Variants in STRN4 observed in about 807,000 individuals in gnomAD.
STRN4 encodes striatin 4, also known as striatin-4.
In STRN4, 27 loss-of-function variants were observed where a neutral mutation model predicts 77.9. The ratio of observed to expected loss-of-function variants is 0.35; its 90% CI spans 0.26 to 0.48. The LOEUF is 0.48. Ranked by LOEUF, STRN4 falls within the 20% of genes least tolerant of loss-of-function variation. STRN4 has a pLI of 0.99. For missense variants in STRN4, 798 were observed against 1,049.7 expected, an observed-to-expected ratio of 0.76 and a Z score of 3.31; for synonymous variants, 466 against 443.1, an observed-to-expected ratio of 1.05 and a Z score of -0.65.
intron 3 of STRN4, among the ~76,000 whole-genome samples, chr19:46,737,243 T>C (rs1347696781): frequency 6.6e-6 from 1 of 152,222 alleles, no homozygotes; most frequent in Non-Finnish European, 1.5e-5. Context: ...CCTGAGTTAG[T>C]GTAAGCCGTG....
In STRN4 at chr19:46,746,151, G is replaced by A. The variant is rs1391876490; in HGVS notation, c.280C>T (p.Gln94Ter). 1.3e-6 allele frequency: 2 copies of A among 1,522,046 alleles called. No individual in the cohort carries two copies. Among genetic ancestry groups the A allele is most frequent in the South Asian group, 2.4e-5 (2 of 82,932 alleles). The allele number at this position is 1,522,046 out of a possible 1,614,324, so 94.3% of individuals were successfully genotyped here. A position where few individuals can be genotyped will look rare whatever the true frequency, so the allele number is the denominator to read the frequency against. The change falls in exon 1 of 18, where the codon CAG becomes TAG. Residue 94 changes from glutamine (Q) to a stop codon, truncating the protein, a stop_gained and splice_region_variant. Transcript: ENST00000263280. LOFTEE classifies it high-confidence loss of function. ...GGGGGTCCCGGGACAGCGCTCACCT[G>A]TAACTCGGCGCGCTCGGCCTCCCAG... ...ARWEAERAEL[Q>*]AQVAFLQGER...
At chr19:46,727,128 T>A (rs2054135453) in intron 9 of STRN4, among the ~76,000 whole-genome samples, 1 of 145,540 alleles carries the variant, frequency 6.9e-6, no homozygotes, top group East Asian at 1.9e-4. Context: ...GAACATTTCA[T>A]TTCAGCCCAG....
chr19:46,730,074 A>C (rs187066171), intron 6 of STRN4, among the ~76,000 whole-genome samples: 1 of 152,314 alleles, frequency 6.6e-6, no homozygotes, highest in Non-Finnish European at 1.5e-5. Context: ...GGAGGGGTGG[A>C]AAAGGACTAG....
Position 46,738,780 on chromosome 19 carries a change from C to T in STRN4, c.386+5G>A. ...AGGCAGGCCCAGGGCAGGATGAAGG[C>T]TCACCTTTCCTGCTTCAGCGCATAC... is the stretch of plus-strand genomic sequence containing the variant. On this transcript the variant is annotated splice_donor_5th_base_variant and intron_variant, in intron 2 of 17. Coordinates refer to ENST00000263280, the MANE Select transcript of STRN4 (RefSeq NM_013403.3). The surrounding 1 kb of genome is among the most constrained non-coding windows in gnomAD (Gnocchi z 4.5). 1 of 1,614,000 alleles carries T rather than the reference C, an allele frequency of 6.2e-7. No homozygotes were observed.
chr19:46,725,823 C>T (rs1568391609), intron 9 of STRN4, 175 bp from the exon 10 acceptor site: 2 of 782,858 alleles, frequency 2.6e-6, no homozygotes, highest in Non-Finnish European at 4.0e-6. Context: ...GCAGAGTCTC[C>T]ATGCTCGCCC....
At chr19:46,727,420 G>T (rs747549235) in intron 9 of STRN4, 32 bp downstream of exon 9, 1 of 1,587,082 alleles carries the variant, frequency 6.3e-7, no homozygotes, top group Admixed American at 1.7e-5. Context: ...AATGCCAATG[G>T]GGACAGTGTG....
At chr19:46,739,093 C>T (rs747765328) in intron 1 of STRN4, among the ~76,000 whole-genome samples, 1 of 152,200 alleles carries the variant, frequency 6.6e-6, no homozygotes, top group Non-Finnish European at 1.5e-5. Context: ...CCCCCTGCCA[C>T]GTCACCCACA....
intron 9 of STRN4, among the ~76,000 whole-genome samples, chr19:46,727,063 G>C (rs1003856811): frequency 2.7e-5 from 4 of 150,796 alleles, no homozygotes; most frequent in Admixed American, 2.6e-4. Flanking sequence ...CTGGCCAAAG[G>C]CTCCCAGCTG....
At chr19:46,740,940 G>A (rs1213084243) in intron 1 of STRN4, among the ~76,000 whole-genome samples, 3 of 152,208 alleles carry the variant, frequency 2.0e-5, no homozygotes, top group Non-Finnish European at 4.4e-5. Flanking sequence ...GGCAGAGGAC[G>A]GAGACAAGAG....
rs116431661 is a variant in STRN4, at chr19:46,729,165, G to A, written c.880-388C>T. On this transcript the variant is annotated intron_variant, in intron 6 of 17. Coordinates refer to ENST00000263280, the MANE Select transcript of STRN4 (RefSeq NM_013403.3). ...GATGAATGGACCACAGCATTGCAGC[G>A]ATAAACACAGCACCAGCAGCCGTGC... 2.9e-3 allele frequency among the ~76,000 whole-genome samples: 449 copies of A among 152,328 alleles called. 3 individuals are homozygous for A. The highest frequency in any genetic ancestry group is 1.0e-2 in the African/African-American group (414 of 41,562).
intron 5 of STRN4, chr19:46,732,772 C>T (rs919872902): frequency 4.4e-6 from 2 of 452,610 alleles, no homozygotes; most frequent in South Asian, 3.0e-5. Flanking sequence ...GCACCCCACT[C>T]GACCGAGAAG....
chr19:46,730,582 G>T, intron 6 of STRN4, 150 bp downstream of exon 6: 1 of 1,242,304 alleles, frequency 8.0e-7, no homozygotes, highest in Non-Finnish European at 1.1e-6. Context: ...GCCGCTGCTG[G>T]CCACAAGCTC....
At chr19:46,728,901 C>T (rs759485306) in intron 6 of STRN4, 124 bp from the exon 7 acceptor site, 604 of 1,398,668 alleles carry the variant, frequency 4.3e-4, no homozygotes, top group Middle Eastern at 1.5e-3. Flanking sequence ...CTGCCTCAGC[C>T]GCCAGCCAGC....
rs1441404413 is a variant in STRN4, at chr19:46,746,442, G to C, written c.-12C>G. ...CGCTCCTCCATCATGGAGGCCCCGG[G>C]GCCGGCCTGCGCGCCCGCTGTGCCT... On this transcript the variant is annotated 5_prime_UTR_variant, in exon 1 of 18. Transcript: ENST00000263280. The C allele has an allele frequency of 9.9e-7, 1 of 1,007,570 alleles. No individual in the cohort carries two copies. Among genetic ancestry groups the C allele is most frequent in the Non-Finnish European group, 1.2e-6 (1 of 846,506 alleles). The allele number at this position is 1,007,570 out of a possible 1,614,324, so 62.4% of individuals were successfully genotyped here. A position where few individuals can be genotyped will look rare whatever the true frequency, so the allele number is the denominator to read the frequency against.
chr19:46,735,520 A>G (rs1036222863), intron 4 of STRN4, among the ~76,000 whole-genome samples: 2 of 152,016 alleles, frequency 1.3e-5, no homozygotes, highest in Admixed American at 1.3e-4. Flanking sequence ...GCAAAAATAC[A>G]CAGCCACGGA....
intron 1 of STRN4, chr19:46,740,420 C>T (rs1417211996): frequency 2.0e-5 from 3 of 152,076 alleles, no homozygotes; most frequent in African/African-American, 4.8e-5. Flanking sequence ...CATCCAAGGC[C>T]AGACAGGGAA....
intron 14 of STRN4, 42 bp from the exon 15 acceptor site, chr19:46,722,382 A>T (rs761189594): frequency 3.8e-6 from 6 of 1,588,416 alleles, no homozygotes; most frequent in Non-Finnish European, 5.2e-6. Context: ...TCAAGCAGAA[A>T]ATCAGGAAGA....
chr19:46,722,398 ACAGAG>A (rs1228530816), intron 14 of STRN4, 58 bp from the exon 15 acceptor site: 1 of 1,551,544 alleles, frequency 6.4e-7, no homozygotes, highest in Admixed American at 1.7e-5. Flanking sequence ...GAAGACCAGA[ACAGAG>A]GCACAAGCGC....
chr19:46,726,914 C>T (rs537220729), intron 9 of STRN4, among the ~76,000 whole-genome samples: 57 of 152,274 alleles, frequency 3.7e-4, no homozygotes, highest in African/African-American at 1.3e-3. Context: ...TGGCACACTC[C>T]ACTTCTCAGG....
Sources: gnomAD v4.1 joint callset for allele counts (sites outside exome capture counted in the v4.1 genomes callset) on GRCh38, gnomAD v4.1.1 for gene constraint, Gnocchi (gnomAD v3.1) non-coding constraint, MANE v1.5 for transcripts, NCBI Gene and HGNC (gene_info 2026-07-23, HGNC 2026-07-21) for gene names.